Variants in DACH2 observed in about 807,000 individuals in gnomAD.
The protein encoded by DACH2 is dachshund homolog 2.
Under a neutral mutation model 35.8 loss-of-function variants are expected in DACH2, and 17 were observed. The ratio of observed to expected loss-of-function variants is 0.48; its 90% confidence interval spans 0.33 to 0.71. The LOEUF is 0.71. Ranked by LOEUF, DACH2 falls within the 30% of genes least tolerant of loss-of-function variation. DACH2 has a pLI of 0.02. For synonymous variants in DACH2, 195 were observed against 177.3 expected (o/e 1.10, Z -0.79); for missense variants, 469 against 472.7 (o/e 0.99, Z 0.07).
chrX:86,502,576 C>T (rs752015374), intron 2 of DACH2, among the ~76,000 whole-genome samples: 3 of 112,052 alleles, frequency 2.7e-5, no homozygotes, highest in Non-Finnish European at 3.8e-5. Flanking sequence ...TAGAAAAAGT[C>T]TTCACTGATG....
rs750446824 is a variant in DACH2, at chrX:86,537,051, A to T, written c.640+22660A>T. On this transcript the variant is annotated intron_variant, in intron 3 of 11. Coordinates refer to ENST00000373125, the MANE Select transcript of DACH2 (RefSeq NM_053281.3). ...ACAAGTCTTTGCCTGAGTTCCCAAG[A>T]TATTGGAGACATCCTTTGAAATCTG... Among the ~76,000 whole-genome samples, 39 of 111,249 alleles carry T rather than the reference A, an allele frequency of 3.5e-4. No individual in the cohort carries two copies. The South Asian group carries it at 0.012, about 34-fold the overall frequency.
At chrX:86,535,391 C>G in intron 3 of DACH2, among the ~76,000 whole-genome samples, 1 of 111,509 alleles carries the variant, frequency 9.0e-6, no homozygotes, top group Non-Finnish European at 1.9e-5. Context: ...AGCCCCCCAG[C>G]CAATTGAATA....
chrX:86,320,970 C>T (rs144398747), intron 1 of DACH2, among the ~76,000 whole-genome samples: 2 of 111,408 alleles, frequency 1.8e-5, no homozygotes, highest in African/African-American at 6.5e-5. Flanking sequence ...TTCTCTGTAC[C>T]CAGGTACTCA....
At chrX:86,742,639 A>G (rs970113232) in intron 7 of DACH2, 2 of 270,323 alleles carry the variant, frequency 7.4e-6, no homozygotes, top group African/African-American at 5.6e-5. Flanking sequence ...TCTCTTATTT[A>G]TAGTTATGAT....
intron 11 of DACH2, among the ~76,000 whole-genome samples, chrX:86,825,418 GA>G (rs5902917): frequency 0.18 from 14,056 of 76,631 alleles, 878 homozygotes; most frequent in South Asian, 0.42. Flanking sequence ...CTCTGTCTCA[GA>G]AAAAAAAAAG....
chrX:86,519,932 T>C (rs2038528442), intron 3 of DACH2, among the ~76,000 whole-genome samples: 1 of 111,429 alleles, frequency 9.0e-6, no homozygotes, highest in Non-Finnish European at 1.9e-5. Context: ...TTTTTATTTC[T>C]TCTCTTGTGC....
intron 2 of DACH2, among the ~76,000 whole-genome samples, chrX:86,500,861 C>A (rs188016450): frequency 2.0e-4 from 22 of 111,511 alleles, no homozygotes; most frequent in Non-Finnish European, 3.2e-4. Flanking sequence ...AGTAAGTAAC[C>A]TTTTGCATGC....
intron 1 of DACH2, among the ~76,000 whole-genome samples, chrX:86,220,547 A>T (rs1274395616): frequency 8.9e-6 from 1 of 112,002 alleles, no homozygotes; most frequent in Non-Finnish European, 1.9e-5. Context: ...CAAATGGCAG[A>T]ATTTCCTTCT....
chrX:86,546,680 A>AT lies in DACH2; in HGVS notation c.640+32296dup, dbSNP rs201325284. ...CAGGCGCGTGCCACCAACCTGTCTA[A>AT]TTTTTTTGTATTTTTAGTAGAGAAG... is the stretch of plus-strand genomic sequence containing the variant. On this transcript the variant is annotated intron_variant, in intron 3 of 11. Transcript: ENST00000373125. 2.3e-3 allele frequency among the ~76,000 whole-genome samples: 237 copies of AT among 103,940 alleles called. 1 individual carries two copies. The highest frequency in any genetic ancestry group is 7.8e-3 in the African/African-American group (222 of 28,323). The allele number at this position is 103,940 out of a possible 115,157, so 90.3% of individuals were successfully genotyped here. A position where few individuals can be genotyped will look rare whatever the true frequency, so the allele number is the denominator to read the frequency against.
chrX:86,556,421 A>C (rs1413357888), intron 3 of DACH2, among the ~76,000 whole-genome samples: 2 of 110,675 alleles, frequency 1.8e-5, no homozygotes, highest in African/African-American at 6.6e-5. Flanking sequence ...CTAGTGAATC[A>C]GTGCCAAATA....
At chrX:86,641,014 T>C (rs1402941473) in intron 3 of DACH2, among the ~76,000 whole-genome samples, 2 of 112,297 alleles carry the variant, frequency 1.8e-5, no homozygotes, top group Admixed American at 1.9e-4. Flanking sequence ...AGAACCAGCC[T>C]AAGAACTCTA....
chrX:86,731,610 G>A lies in DACH2; in HGVS notation c.1105-8137G>A, dbSNP rs368857556. Among the ~76,000 whole-genome samples, 5 of 112,011 alleles carry A rather than the reference G, an allele frequency of 4.5e-5. No individual in the cohort carries two copies. The East Asian group carries it at 1.4e-3, about 31-fold the overall frequency. On this transcript the variant is annotated intron_variant, in intron 6 of 11. Transcript: ENST00000373125. ...ATTTATACCACTTTAACAGAGAATG[G>A]TATTAAATTGGAAGGGAGTTTAGCT...
At chrX:86,677,341 C>G (rs2040835305) in intron 4 of DACH2, among the ~76,000 whole-genome samples, 1 of 111,980 alleles carries the variant, frequency 8.9e-6, no homozygotes, top group African/African-American at 3.2e-5. Flanking sequence ...CACAAACTAT[C>G]AAAAAGAATG....
chrX:86,371,158 T>C (rs6623659), intron 1 of DACH2, among the ~76,000 whole-genome samples: 15,074 of 110,091 alleles, frequency 0.14, 940 homozygotes, highest in East Asian at 0.3. Context: ...CTTTGAGTTA[T>C]ATTGACACTC....
intron 2 of DACH2, among the ~76,000 whole-genome samples, chrX:86,442,125 C>T (rs185296630): frequency 2.2e-4 from 24 of 110,259 alleles, no homozygotes; most frequent in Admixed American, 1.9e-3. Flanking sequence ...GCTTCAGCTT[C>T]CCAAAGTCCT....
intron 7 of DACH2, among the ~76,000 whole-genome samples, chrX:86,785,655 T>G (rs762883195): frequency 9.1e-6 from 1 of 110,424 alleles, no homozygotes; most frequent in Non-Finnish European, 1.9e-5. Context: ...AGAAGAGGAG[T>G]GGTGTGGTAG....
At chrX:86,262,358 T>G (rs2033642634) in intron 1 of DACH2, among the ~76,000 whole-genome samples, 1 of 111,794 alleles carries the variant, frequency 8.9e-6, no homozygotes, top group Non-Finnish European at 1.9e-5. Context: ...GTGCTGAAAC[T>G]TACATATTCT....
At chrX:86,497,442 A>C (rs140510022) in intron 2 of DACH2, among the ~76,000 whole-genome samples, 25 of 111,602 alleles carry the variant, frequency 2.2e-4, no homozygotes, top group African/African-American at 7.8e-4. Context: ...AGGACTTTTG[A>C]ATTTTTTATT....
chrX:86,230,986 G>C (rs1486668716), intron 1 of DACH2, among the ~76,000 whole-genome samples: 2 of 111,761 alleles, frequency 1.8e-5, no homozygotes, highest in Non-Finnish European at 3.8e-5. Flanking sequence ...AATTTGTTTA[G>C]TTCTGCTCTG....
Sources: gnomAD v4.1 joint callset for allele counts (sites outside exome capture counted in the v4.1 genomes callset) on GRCh38, gnomAD v4.1.1 for gene constraint, MANE v1.5 for transcripts, NCBI Gene and HGNC (gene_info 2026-07-23, HGNC 2026-07-21) for gene names.